Variants in KRABD1 observed in about 807,000 individuals in gnomAD.
KRABD1 encodes KRAB domain-containing protein 1.
the KRABD1 span, chr3:42,941,969 TC>T: frequency 1.3e-6 from 2 of 1,535,478 alleles, no homozygotes; most frequent in East Asian, 2.4e-5. Flanking sequence ...GCCACCCACT[TC>T]CAAACCAGCT....
At chr3:42,942,510 C>T in the KRABD1 span, 5 of 606,450 alleles carry the variant, frequency 8.2e-6, no homozygotes, top group Non-Finnish European at 1.3e-5. Context: ...TTTAAGCTTA[C>T]AGTTGTTATG....
At chr3:42,939,067 C>A in the KRABD1 span, 1 of 575,716 alleles carries the variant, frequency 1.7e-6, no homozygotes, top group Non-Finnish European at 2.9e-6. Context: ...TGTATGTGTA[C>A]ACACACACAT....
At chr3:42,937,751 T>G in the KRABD1 span, 1 of 152,350 alleles carries the variant, frequency 6.6e-6, no homozygotes, top group Non-Finnish European at 1.5e-5. Context: ...TGACAGCTGT[T>G]TCTCTGACAC....
the KRABD1 span, among the ~76,000 whole-genome samples, chr3:42,939,332 T>C: frequency 6.6e-6 from 1 of 152,188 alleles, no homozygotes; most frequent in Non-Finnish European, 1.5e-5. Context: ...CATGCATTCT[T>C]TTGTATCTGC....
the KRABD1 span, chr3:42,941,323 T>C: frequency 3.1e-6 from 5 of 1,599,886 alleles, no homozygotes; most frequent in Non-Finnish European, 4.2e-6. Flanking sequence ...GATGTGATGC[T>C]GGAGAACTAT....
At chr3:42,941,541 G>A in the KRABD1 span, among the ~76,000 whole-genome samples, 1 of 152,064 alleles carries the variant, frequency 6.6e-6, no homozygotes, top group Non-Finnish European at 1.5e-5. Context: ...ACCTGCCTCA[G>A]AGGTGATTCT....
chr3:42,938,589 C>A, the KRABD1 span: 54 of 272,088 alleles, frequency 2.0e-4, no homozygotes, highest in East Asian at 3.4e-3. Context: ...TTTTCTGTTT[C>A]CTGTCCTGTG....
the KRABD1 span, chr3:42,937,399 G>T: frequency 6.6e-6 from 1 of 152,148 alleles, no homozygotes; most frequent in Admixed American, 6.5e-5. Flanking sequence ...TTTCCCTTTC[G>T]CAGATTGTCA....
chr3:42,941,611 T>G, the KRABD1 span, among the ~76,000 whole-genome samples: 7 of 152,174 alleles, frequency 4.6e-5, no homozygotes, highest in East Asian at 1.9e-4. Flanking sequence ...AACCTCCAAT[T>G]TATCTTAAGA....
the KRABD1 span, chr3:42,941,812 C>T: frequency 4.9e-6 from 3 of 607,616 alleles, no homozygotes; most frequent in South Asian, 6.1e-5. Flanking sequence ...CAGGATCCCT[C>T]CCAGTACCTC....
At chr3:42,940,466 C>G in the KRABD1 span, among the ~76,000 whole-genome samples, 2 of 152,292 alleles carry the variant, frequency 1.3e-5, no homozygotes, top group East Asian at 3.9e-4. Context: ...ATAAAACATT[C>G]TTTGGCACTT....
chr3:42,940,732 G>C, the KRABD1 span, among the ~76,000 whole-genome samples: 4 of 152,332 alleles, frequency 2.6e-5, no homozygotes, highest in Non-Finnish European at 5.9e-5. Context: ...ACTGATCAGA[G>C]AGCTTTGTGC....
the KRABD1 span, chr3:42,942,148 T>C: frequency 3.0e-6 from 3 of 1,004,088 alleles, no homozygotes; most frequent in Non-Finnish European, 3.0e-6. Flanking sequence ...AAGGTGTGTG[T>C]TCTCTGTGCC....
the KRABD1 span, chr3:42,942,683 A>G: frequency 1.3e-6 from 1 of 765,550 alleles, no homozygotes; most frequent in Non-Finnish European, 2.0e-6. Context: ...CCAAGTAAGG[A>G]GTTGATGTAA....
At chr3:42,939,047 T>A in the KRABD1 span, 1 of 733,482 alleles carries the variant, frequency 1.4e-6, no homozygotes, top group Non-Finnish European at 2.1e-6. Flanking sequence ...AACATACTTT[T>A]ATATATGTGT....
At chr3:42,941,345 C>T in the KRABD1 span, 1 of 1,592,932 alleles carries the variant, frequency 6.3e-7, no homozygotes, top group Non-Finnish European at 8.5e-7. Context: ...AGGCTGTGGC[C>T]TTTGTAGGTA....
chr3:42,941,768 G>C, the KRABD1 span, among the ~76,000 whole-genome samples: 2 of 151,956 alleles, frequency 1.3e-5, no homozygotes, highest in African/African-American at 4.8e-5. Context: ...GGTGTTTCAG[G>C]CTTCCTTGGA....
At chr3:42,937,496 C>G in the KRABD1 span, 1 of 152,104 alleles carries the variant, frequency 6.6e-6, no homozygotes, top group Non-Finnish European at 1.5e-5. Context: ...CATTTACTGC[C>G]GATACAATGA....
At chr3:42,941,370 C>T in the KRABD1 span, 1 of 1,563,350 alleles carries the variant, frequency 6.4e-7, no homozygotes. Context: ...CTCTCTGCTG[C>T]TGGTTTCTGC....
Sources: allele counts gnomAD v4.1 joint callset (sites outside exome capture counted in the v4.1 genomes callset), GRCh38; gene constraint gnomAD v4.1.1; transcripts MANE v1.5; gene names NCBI Gene and HGNC (gene_info 2026-07-23, HGNC 2026-07-21).